The following PIEZO2 variants were observed in gnomAD, a reference collection of about 807,000 sequenced individuals.
The protein encoded by PIEZO2 is piezo-type mechanosensitive ion channel component 2.
Under a neutral mutation model 337.3 loss-of-function variants are expected in PIEZO2, and 172 were observed. The ratio of observed to expected loss-of-function variants is 0.51; its 90% confidence interval spans 0.45 to 0.58. The LOEUF is 0.58. Ranked by LOEUF, PIEZO2 falls within the 20% of genes least tolerant of loss-of-function variation. The probability of loss-of-function intolerance (pLI) is 0.00; values close to 1 mark genes in which losing one functional copy is unlikely to be tolerated. For synonymous variants in PIEZO2, 1,251 were observed against 1,228.5 expected (o/e 1.02, Z -0.38); for missense variants, 3,028 against 3,391.3 (o/e 0.89, Z 2.66).
intron 4 of PIEZO2, among the ~76,000 whole-genome samples, chr18:10,891,026 A>T (rs1271731807): frequency 6.6e-6 from 1 of 152,190 alleles, no homozygotes; most frequent in Non-Finnish European, 1.5e-5. Flanking sequence ...GTGTTGTACC[A>T]GATCAAAACA....
intron 2 of PIEZO2, among the ~76,000 whole-genome samples, chr18:11,015,031 C>T (rs2036063228): frequency 7.3e-6 from 1 of 136,294 alleles, no homozygotes; most frequent in African/African-American, 3.1e-5. Flanking sequence ...CTGGGCGGGA[C>T]AGCGATCCAT....
At chr18:10,923,478 G>A (rs264273) in intron 3 of PIEZO2, among the ~76,000 whole-genome samples, 96,044 of 151,890 alleles carry the variant, frequency 0.63, 31,073 homozygotes, top group African/African-American at 0.76. Context: ...ACTGTGGTCC[G>A]GTGCAGCAGA....
rs540435685 is a variant in PIEZO2 at position 10,984,603 on chromosome 18, A to C, written c.161-4943T>G. Among the ~76,000 whole-genome samples the C allele has an allele frequency of 3.9e-5, 6 of 152,256 alleles. No individual in the cohort carries two copies. In the South Asian group the frequency reaches 1.0e-3, roughly 26 times the overall value. On this transcript the variant is annotated intron_variant, in intron 2 of 55. Transcript: ENST00000674853. ...AATCCTATGGGACTTACAGGACACT[A>C]TCAAGTGAACCCATATAAACACTGG...
At chr18:10,891,722 T>C (rs2042762784) in intron 4 of PIEZO2, among the ~76,000 whole-genome samples, 1 of 152,316 alleles carries the variant, frequency 6.6e-6, no homozygotes. Context: ...TCAAATCTAT[T>C]ATAACAAGCT....
chr18:10,984,977 T>TGGAG (rs1449457415), intron 2 of PIEZO2, among the ~76,000 whole-genome samples: 3 of 152,060 alleles, frequency 2.0e-5, no homozygotes, highest in Non-Finnish European at 2.9e-5. Context: ...CCAAGAATAC[T>TGGAG]ATACCTGTCA....
chr18:10,691,447 T>G, intron 47 of PIEZO2, 64 bp from the exon 48 acceptor site: 17 of 1,525,104 alleles, frequency 1.1e-5, no homozygotes, highest in Non-Finnish European at 8.9e-7. Context: ...AGGATGGCAG[T>G]GTCAAATTAA....
chr18:11,088,816 A>G (rs2038986409), intron 1 of PIEZO2, among the ~76,000 whole-genome samples: 1 of 152,196 alleles, frequency 6.6e-6, no homozygotes, highest in East Asian at 1.9e-4. Context: ...AGTGCAACCC[A>G]TACAGGCCAG....
At chr18:11,061,085 G>A (rs985213642) in intron 2 of PIEZO2, among the ~76,000 whole-genome samples, 5 of 152,218 alleles carry the variant, frequency 3.3e-5, no homozygotes, top group Non-Finnish European at 5.9e-5. Context: ...TCCCTGGGAT[G>A]CAAGGCTGGT....
In PIEZO2 at chr18:11,148,486, GTCC is replaced by G. The variant is rs1436750683; in HGVS notation, c.64+36_64+38del. 16 of 1,534,338 alleles carry G rather than the reference GTCC, an allele frequency of 1.0e-5. No homozygotes were observed. The highest frequency in any genetic ancestry group is 3.9e-5 in the Admixed American group (2 of 50,952). On this transcript the variant is annotated intron_variant, in intron 1 of 55. Transcript: ENST00000674853. This position sits in a 1 kb window ranked among gnomAD's most constrained non-coding sequence, Gnocchi z 5.2. ...AGTCCCCCACCCAGGCGCCCCCCTC[GTCC>G]TCCTCAAGTGCCCTCGGAAAGCGGA...
intron 52 of PIEZO2, among the ~76,000 whole-genome samples, chr18:10,678,873 G>T (rs1218019121): frequency 6.6e-6 from 1 of 152,036 alleles, no homozygotes; most frequent in African/African-American, 2.4e-5. Context: ...GGGTCAGGTA[G>T]GGCTTCCCCA....
Position 10,705,225 on chromosome 18 carries a change from T to C in PIEZO2, c.5999+111A>G, listed in dbSNP as rs943735037. 4.6e-6 allele frequency: 6 copies of C among 1,310,744 alleles called. No homozygotes were observed. The Admixed American group carries it at 1.2e-4, about 25-fold the overall frequency. The allele number at this position is 1,310,744 out of a possible 1,614,324, so 81.2% of individuals were successfully genotyped here. A position where few individuals can be genotyped will look rare whatever the true frequency, so the allele number is the denominator to read the frequency against. On this transcript the variant is annotated intron_variant, in intron 41 of 55. Coordinates refer to ENST00000674853, the MANE Select transcript of PIEZO2 (RefSeq NM_001378183.1). The stretch of plus-strand genomic sequence containing the variant: ...CTTGGAATTGTCTGTTTGCTCTAAG[T>C]GTCCAGATGAACTTTTTTCTATATA...
At position 10,834,948 on chromosome 18, in the gene PIEZO2, G is replaced by A. The variant is rs1355678315; in HGVS notation, c.917+20405C>T. Among the ~76,000 whole-genome samples, 1 of 152,180 alleles carries A rather than the reference G, an allele frequency of 6.6e-6. No individual in the cohort carries two copies. Among genetic ancestry groups the A allele is most frequent in the Non-Finnish European group, 1.5e-5 (1 of 68,042 alleles). The stretch of plus-strand genomic sequence containing the variant: ...GTTGAAGCCAAACTCCCCATGTGAA[G>A]GTATTAAGAAGTCGGGCCTTTGAGG... On this transcript the variant is annotated intron_variant, in intron 7 of 55. Transcript: ENST00000674853. The surrounding 1 kb of genome is among the most constrained non-coding windows in gnomAD (Gnocchi z 4.5).
At chr18:10,725,318 C>T (rs1351525892) in intron 36 of PIEZO2, 2 of 1,592,508 alleles carry the variant, frequency 1.3e-6, no homozygotes, top group Non-Finnish European at 1.7e-6. Flanking sequence ...AGGAGGGCTG[C>T]GTCGAAGAGG....
intron 7 of PIEZO2, among the ~76,000 whole-genome samples, chr18:10,840,626 G>T (rs62085163): frequency 6.6e-6 from 1 of 151,212 alleles, no homozygotes; most frequent in African/African-American, 2.4e-5. Context: ...ATCCACTTTT[G>T]ACAATAAAAA....
At chr18:11,071,097 A>G (rs1374365255) in intron 1 of PIEZO2, among the ~76,000 whole-genome samples, 3 of 152,232 alleles carry the variant, frequency 2.0e-5, no homozygotes, top group African/African-American at 7.2e-5. Context: ...ATGGGAGAAG[A>G]GAACAGGAAT....
rs7235475 is a variant in PIEZO2 at position 10,673,921 on chromosome 18, C to A, written c.8162-1048G>T. ...AGCTTATGAGCTAAAAAGATCATAC[C>A]AAAATTTCATAATGTTTTAAGAAAG... On this transcript the variant is annotated intron_variant, in intron 54 of 55. Transcript: ENST00000674853. The surrounding 1 kb of genome is among the most constrained non-coding windows in gnomAD (Gnocchi z 4.8). Among the ~76,000 whole-genome samples, 44,970 of 152,040 alleles carry A rather than the reference C, an allele frequency of 0.3. 6,953 individuals are homozygous for A. The highest frequency in any genetic ancestry group is 0.35 in the African/African-American group (14,699 of 41,458).
In PIEZO2 at chr18:11,021,794, A is replaced by G. The variant is rs193055925; in HGVS notation, c.161-42134T>C. On this transcript the variant is annotated intron_variant, in intron 2 of 55. Coordinates refer to ENST00000674853, the MANE Select transcript of PIEZO2 (RefSeq NM_001378183.1). The surrounding 1 kb of genome is among the most constrained non-coding windows in gnomAD (Gnocchi z 4.7). ...TGAGGCATCATCTAGACGCTGGGGG[A>G]CTGCAGATGCAAACCAGGAAAATGC... Among the ~76,000 whole-genome samples, 4 of 152,228 alleles carry G rather than the reference A, an allele frequency of 2.6e-5. No individual in the cohort carries two copies. Among genetic ancestry groups the G allele is most frequent in the African/African-American group, 7.2e-5 (3 of 41,550 alleles).
Position 11,027,110 on chromosome 18 carries a change from T to C in PIEZO2, c.160+39017A>G, listed in dbSNP as rs1036406159. On this transcript the variant is annotated intron_variant, in intron 2 of 55. Coordinates refer to ENST00000674853, the MANE Select transcript of PIEZO2 (RefSeq NM_001378183.1). The surrounding 1 kb of genome is among the most constrained non-coding windows in gnomAD (Gnocchi z 4.2). The stretch of plus-strand genomic sequence containing the variant: ...GTGTAAGAATGAGTGTGTGCATAGC[T>C]ACACTTATATGACAAACAGCGATTT... 2.6e-5 allele frequency among the ~76,000 whole-genome samples: 4 copies of C among 152,224 alleles called. No individual in the cohort carries two copies. The highest frequency in any genetic ancestry group is 4.4e-5 in the Non-Finnish European group (3 of 68,044).
intron 4 of PIEZO2, among the ~76,000 whole-genome samples, chr18:10,891,559 C>T (rs181318081): frequency 6.6e-6 from 1 of 152,280 alleles, no homozygotes; most frequent in Admixed American, 6.5e-5. Flanking sequence ...CCTGTTCAAA[C>T]ACACACATGA....
Sources: allele counts gnomAD v4.1 joint callset (sites outside exome capture counted in the v4.1 genomes callset), GRCh38; gene constraint gnomAD v4.1.1; non-coding constraint Gnocchi (gnomAD v3.1); transcripts MANE v1.5; gene names NCBI Gene and HGNC (gene_info 2026-07-23, HGNC 2026-07-21).